ERG: variants seen among roughly 807,000 people sequenced by gnomAD.
ERG encodes transcriptional regulator ERG.
In ERG, 9 loss-of-function variants were observed where a neutral mutation model predicts 55.3. The observed-to-expected ratio is 0.16, with a 90% CI of 0.10 to 0.28. The LOEUF (loss-of-function observed/expected upper bound fraction) is 0.28. ERG is among the 10% of genes least tolerant of loss of function. ERG has a pLI of 1.00. For synonymous variants in ERG, 223 were observed against 237.3 expected (o/e 0.94, Z 0.55); for missense variants, 434 against 631.6 (o/e 0.69, Z 3.35).
intron 1 of ERG, among the ~76,000 whole-genome samples, chr21:38,628,354 C>G (rs906484919): frequency 6.6e-6 from 1 of 152,170 alleles, no homozygotes; most frequent in African/African-American, 2.4e-5. Context: ...AAGGGTCACA[C>G]AAGTTCAACC....
intron 1 of ERG, among the ~76,000 whole-genome samples, chr21:38,461,094 C>T (rs774576271): frequency 2.0e-5 from 3 of 152,152 alleles, no homozygotes; most frequent in Non-Finnish European, 4.4e-5. Context: ...GCTAGGGTTG[C>T]CAAGACAATG....
At chr21:38,608,477 A>C (rs2060208477) in intron 1 of ERG, among the ~76,000 whole-genome samples, 1 of 152,224 alleles carries the variant, frequency 6.6e-6, no homozygotes, top group East Asian at 1.9e-4. Context: ...TGCAAAAATC[A>C]ACAGAATTAT....
chr21:38,652,112 G>C (rs550704903), intron 1 of ERG, among the ~76,000 whole-genome samples: 1 of 152,224 alleles, frequency 6.6e-6, no homozygotes, highest in South Asian at 2.1e-4. Context: ...GTAGGTGTCT[G>C]GTCTGATCCC....
At chr21:38,391,422 C>G (rs1449061503) in intron 8 of ERG, among the ~76,000 whole-genome samples, 2 of 152,154 alleles carry the variant, frequency 1.3e-5, no homozygotes, top group African/African-American at 4.8e-5. Flanking sequence ...AAAGAAGCAG[C>G]CTGTGTGCAC....
intron 1 of ERG, among the ~76,000 whole-genome samples, chr21:38,619,236 T>C (rs900674070): frequency 2.0e-5 from 3 of 152,196 alleles, no homozygotes; most frequent in African/African-American, 7.2e-5. Context: ...GAGTCTAGAA[T>C]TACAGCCCAC....
intron 2 of ERG, among the ~76,000 whole-genome samples, chr21:38,435,929 G>T (rs773517648): frequency 6.6e-6 from 1 of 152,134 alleles, no homozygotes; most frequent in Non-Finnish European, 1.5e-5. Flanking sequence ...AGAGAAGAAA[G>T]GATTGAGCCC....
chr21:38,397,479 C>T (rs1196152327), intron 6 of ERG, among the ~76,000 whole-genome samples: 8 of 151,266 alleles, frequency 5.3e-5, no homozygotes, highest in African/African-American at 1.9e-4. Context: ...GCGCCTGTAG[C>T]CCCAGCTACT....
chr21:38,396,371 A>G (rs1324321973), intron 6 of ERG, among the ~76,000 whole-genome samples: 1 of 152,232 alleles, frequency 6.6e-6, no homozygotes, highest in East Asian at 1.9e-4. Context: ...ATTTGCTAAG[A>G]TACAGGCTTT....
chr21:38,403,681 C>T lies in ERG; in HGVS notation c.417G>A (p.Val139=). 1 of 1,614,164 alleles carries T rather than the reference C, an allele frequency of 6.2e-7. No individual in the cohort carries two copies. ...TCACCGCCCACTCCAGCCACTGCCG[C>T]ACATGGTCTGTACTCCATAGCGTAG... The part of the protein sequence containing the change: ...ADPTLWSTDH[V]RQWLEWAVKE... The change falls in exon 4 of 10, where the codon GTG becomes GTA. Residue 139 remains valine, a synonymous_variant. Coordinates refer to ENST00000288319, the MANE Select transcript of ERG (RefSeq NM_182918.4).
intron 2 of ERG, among the ~76,000 whole-genome samples, chr21:38,434,722 T>A (rs562494859): frequency 2.3e-3 from 348 of 152,284 alleles, no homozygotes; most frequent in Non-Finnish European, 3.3e-3. Context: ...AATGGATGCT[T>A]TCTTGAGGTT....
At chr21:38,457,732 T>G (rs2059003768) in intron 1 of ERG, among the ~76,000 whole-genome samples, 1 of 152,182 alleles carries the variant, frequency 6.6e-6, no homozygotes, top group Non-Finnish European at 1.5e-5. Flanking sequence ...CAGAGCCACC[T>G]GTGGGGTGGG....
chr21:38,621,197 A>G (rs1284626773), intron 1 of ERG, among the ~76,000 whole-genome samples: 1 of 152,216 alleles, frequency 6.6e-6, no homozygotes, highest in Non-Finnish European at 1.5e-5. Flanking sequence ...CCCTTCTGTG[A>G]TAAATAAATT....
At chr21:38,539,743 G>A (rs2059738152) in intron 2 of ERG, among the ~76,000 whole-genome samples, 1 of 151,978 alleles carries the variant, frequency 6.6e-6, no homozygotes, top group Non-Finnish European at 1.5e-5. Flanking sequence ...GCATAGACGA[G>A]GAGCGGCTCT....
chr21:38,420,940 C>G (rs1989514276), intron 3 of ERG, among the ~76,000 whole-genome samples: 2 of 152,216 alleles, frequency 1.3e-5, no homozygotes, highest in East Asian at 3.9e-4. Flanking sequence ...AGGAGGAGGG[C>G]AAAGGGTGAG....
chr21:38,541,997 TTTG>T (rs2059756254), intron 2 of ERG, among the ~76,000 whole-genome samples: 1 of 152,182 alleles, frequency 6.6e-6, no homozygotes, highest in African/African-American at 2.4e-5. Flanking sequence ...TTTTTGTTTG[TTTG>T]TTTATTTTCG....
At position 38,391,630 on chromosome 21, in the gene ERG, T is replaced by C. The variant is rs775186504; in HGVS notation, c.871+29A>G. The C allele has an allele frequency of 5.7e-6, 9 of 1,581,462 alleles. No homozygotes were observed. The Admixed American group carries it at 1.4e-4, about 25-fold the overall frequency. On this transcript the variant is annotated intron_variant, in intron 8 of 9. Transcript: ENST00000288319. ...GCTGCTGAGCCTGAATCTTCTCTTA[T>C]GGTTATCCAGACGGCCCCTGAAACA... is the stretch of plus-strand genomic sequence containing the variant.
At chr21:38,534,688 T>C (rs2059696670) in intron 2 of ERG, among the ~76,000 whole-genome samples, 1 of 152,146 alleles carries the variant, frequency 6.6e-6, no homozygotes, top group Non-Finnish European at 1.5e-5. Context: ...AAAAATAGAA[T>C]TACCATATGA....
At chr21:38,489,113 G>A (rs1955306053) in intron 1 of ERG, among the ~76,000 whole-genome samples, 1 of 152,158 alleles carries the variant, frequency 6.6e-6, no homozygotes, top group South Asian at 2.1e-4. Flanking sequence ...AGTGAACGCA[G>A]GAAGTATCTG....
At chr21:38,604,864 A>G (rs941242644) in intron 1 of ERG, among the ~76,000 whole-genome samples, 7 of 152,246 alleles carry the variant, frequency 4.6e-5, no homozygotes, top group African/African-American at 7.2e-5. Flanking sequence ...CTGCTGCAAG[A>G]TCTACAAGCC....
Sources: gnomAD v4.1 joint callset for allele counts (sites outside exome capture counted in the v4.1 genomes callset) on GRCh38, gnomAD v4.1.1 for gene constraint, MANE v1.5 for transcripts, NCBI Gene and HGNC (gene_info 2026-07-23, HGNC 2026-07-21) for gene names.